The following PCDHA8 variants were observed in gnomAD, a reference collection of about 807,000 sequenced individuals.
PCDHA8 encodes the protein protocadherin alpha-8.
PCDHA8 carries 53 observed loss-of-function variants against 61.8 expected under a neutral mutation model. The ratio of observed to expected loss-of-function variants is 0.86; its 90% CI spans 0.69 to 1.08. The LOEUF is 1.08. Among genes scored for constraint, PCDHA8 ranks in the 50% least tolerant of loss-of-function variants. PCDHA8 has a pLI of 0.00. For synonymous variants in PCDHA8, 618 were observed against 556.6 expected (o/e 1.11, Z -1.55); for missense variants, 1,293 against 1,245.0 (o/e 1.04, Z -0.58).
At chr5:140,931,901 T>G (rs2087840006) in intron 1 of PCDHA8, among the ~76,000 whole-genome samples, 1 of 151,938 alleles carries the variant, frequency 6.6e-6, no homozygotes, top group South Asian at 2.1e-4. Flanking sequence ...TCAAATCATT[T>G]GAAAAGCATG....
intron 1 of PCDHA8, chr5:140,857,669 G>T (rs926570494): frequency 5.0e-6 from 8 of 1,596,800 alleles, no homozygotes; most frequent in East Asian, 2.2e-5. Flanking sequence ...CGATGGGGGC[G>T]TGCCGCCTCT....
At chr5:140,881,940 G>A (rs1273995753) in intron 1 of PCDHA8, 1 of 295,968 alleles carries the variant, frequency 3.4e-6, no homozygotes, top group Non-Finnish European at 6.2e-6. Flanking sequence ...TGCTGTTTCT[G>A]GGAAGGTAAA....
At chr5:141,009,584 AT>A in intron 3 of PCDHA8, 42 bp from the exon 4 acceptor site, 1 of 1,592,004 alleles carries the variant, frequency 6.3e-7, no homozygotes, top group Non-Finnish European at 8.6e-7. Flanking sequence ...CATCAAGAGC[AT>A]GTGTTGACCC....
intron 1 of PCDHA8, among the ~76,000 whole-genome samples, chr5:140,940,027 G>A (rs1554213088): frequency 6.6e-6 from 1 of 152,058 alleles, no homozygotes; most frequent in Non-Finnish European, 1.5e-5. Context: ...TATGTTTTAA[G>A]GCTATTTTAT....
Position 140,850,357 on chromosome 5 carries a change from C to T in PCDHA8, c.2394+6642C>T, listed in dbSNP as rs146638035. On this transcript the variant is annotated intron_variant, in intron 1 of 3. Coordinates refer to ENST00000531613, the MANE Select transcript of PCDHA8 (RefSeq NM_018911.3). ...CCAGAAACGGCCAGCGCGAGCATCC[C>T]GTTCCGCGTGGGGCTGTACACGGGC... 66 of 1,597,856 alleles carry T rather than the reference C, an allele frequency of 4.1e-5. 3 individuals carry two copies. The African/African-American group carries it at 6.2e-4, about 15-fold the overall frequency.
At chr5:140,871,648 T>C (rs948584860) in intron 1 of PCDHA8, 2 of 1,275,648 alleles carry the variant, frequency 1.6e-6, no homozygotes, top group Non-Finnish European at 2.1e-6. Context: ...AAATACCAAA[T>C]GATACACATC....
At chr5:140,884,330 G>T in intron 1 of PCDHA8, 2 of 1,613,876 alleles carry the variant, frequency 1.2e-6, no homozygotes, top group Non-Finnish European at 1.7e-6. Context: ...AGGCGCTGTG[G>T]GTCCAGAAGC....
chr5:140,848,340 A>G, intron 1 of PCDHA8: 1 of 894,036 alleles, frequency 1.1e-6, no homozygotes, highest in Admixed American at 2.4e-5. Context: ...ATCCAGACAA[A>G]TACAGCCCTT....
chr5:141,010,432 C>CA lies in PCDHA8; in HGVS notation c.*498dup. ...AATTGGTACAAGGAAGGCAAGAAAA[C>CA]AAAGACAAATAAACAGCGGAAGTTA... On this transcript the variant is annotated 3_prime_UTR_variant, in exon 4 of 4. Transcript: ENST00000531613. 2.8e-6 allele frequency: 3 copies of CA among 1,056,970 alleles called. No homozygotes were observed. The highest frequency in any genetic ancestry group is 4.0e-6 in the Non-Finnish European group (3 of 756,282). The allele number at this position is 1,056,970 out of a possible 1,614,324, so 65.5% of individuals were successfully genotyped here.
chr5:140,915,626 GTCTCTCTCTCTC>G (rs57920489), intron 1 of PCDHA8, among the ~76,000 whole-genome samples: 39 of 146,434 alleles, frequency 2.7e-4, no homozygotes, highest in African/African-American at 9.6e-4. Context: ...GTCTCTTTCT[GTCTCTCTCTCTC>G]TCTCTCTCTC....
intron 1 of PCDHA8, chr5:140,870,868 G>A (rs550915753): frequency 1.2e-6 from 2 of 1,613,944 alleles, no homozygotes; most frequent in Non-Finnish European, 1.7e-6. Flanking sequence ...TGCGGGCCAC[G>A]TGGTGGCGAA....
chr5:140,949,277 G>T (rs934497662), intron 1 of PCDHA8, among the ~76,000 whole-genome samples: 2 of 151,734 alleles, frequency 1.3e-5, no homozygotes, highest in African/African-American at 2.4e-5. Context: ...CACTTGAAAA[G>T]AATGTATATT....
At chr5:140,858,570 C>A (rs1212586718) in intron 1 of PCDHA8, 2 of 1,363,070 alleles carry the variant, frequency 1.5e-6, no homozygotes, top group Non-Finnish European at 1.0e-6. Flanking sequence ...TCTAGTGATA[C>A]CTTTGTAATA....
chr5:140,857,371 T>C (rs1203627643), intron 1 of PCDHA8: 2 of 1,598,092 alleles, frequency 1.3e-6, no homozygotes, highest in African/African-American at 2.7e-5. Flanking sequence ...CCAGCGTGTC[T>C]GTGGAGGTGG....
rs2150480213 is a variant in PCDHA8, at chr5:140,850,340, G to C, written c.2394+6625G>C. 0.013 allele frequency: 21,012 copies of C among 1,597,592 alleles called. 2,634 individuals are homozygous for C. The African/African-American group carries it at 0.2, about 15-fold the overall frequency. Reference sequence around the variant, plus strand: ...TTTCATACGAGCTGCAGCCAGAAACGGCCAGCGCGAGCATCCCGTTCCGCG... The same window carrying C: ...TTTCATACGAGCTGCAGCCAGAAACCGCCAGCGCGAGCATCCCGTTCCGCG... On this transcript the variant is annotated intron_variant, in intron 1 of 3. Coordinates refer to ENST00000531613, the MANE Select transcript of PCDHA8 (RefSeq NM_018911.3).
Position 140,857,393 on chromosome 5 carries a change from G to C in PCDHA8, c.2394+13678G>C, listed in dbSNP as rs146099067. On this transcript the variant is annotated intron_variant, in intron 1 of 3. Coordinates refer to ENST00000531613, the MANE Select transcript of PCDHA8 (RefSeq NM_018911.3). The stretch of plus-strand genomic sequence containing the variant: ...GTCTGTGGAGGTGGCCGACGTGAAC[G>C]ACAACGCGCCTGCGTTCGCGCAGTC... The C allele has an allele frequency of 3.2e-4, 519 of 1,598,492 alleles. 32 individuals carry two copies. In the African/African-American group the frequency reaches 5.9e-3, roughly 18 times the overall value.
chr5:140,852,875 C>A, intron 1 of PCDHA8: 1 of 937,156 alleles, frequency 1.1e-6, no homozygotes, highest in Non-Finnish European at 1.3e-6. Flanking sequence ...CATCAATAAT[C>A]ATAAAACGTA....
chr5:140,888,754 CT>C (rs782694187), intron 1 of PCDHA8, among the ~76,000 whole-genome samples: 16 of 148,604 alleles, frequency 1.1e-4, no homozygotes, highest in East Asian at 2.0e-4. Flanking sequence ...ATTCTACCCA[CT>C]TTTTTTTTTA....
At chr5:140,911,845 A>G (rs1184698013) in intron 1 of PCDHA8, among the ~76,000 whole-genome samples, 2 of 152,216 alleles carry the variant, frequency 1.3e-5, no homozygotes, top group Non-Finnish European at 2.9e-5. Context: ...AAAGAACTCC[A>G]TCCTTAATAG....
Sources: allele counts gnomAD v4.1 joint callset (sites outside exome capture counted in the v4.1 genomes callset), GRCh38; gene constraint gnomAD v4.1.1; transcripts MANE v1.5; gene names NCBI Gene and HGNC (gene_info 2026-07-23, HGNC 2026-07-21).